NIPBL: variants seen among roughly 807,000 people sequenced by gnomAD.
The protein encoded by NIPBL is nipped-B-like protein.
NIPBL carries 19 observed loss-of-function variants against 321.8 expected under a neutral mutation model. The observed-to-expected ratio is 0.06, with a 90% CI of 0.04 to 0.09. The LOEUF is 0.09. Among genes scored for constraint, NIPBL ranks in the 10% least tolerant of loss-of-function variants. The probability of loss-of-function intolerance (pLI) is 1.00; values close to 1 mark genes in which losing one functional copy is unlikely to be tolerated. For missense variants in NIPBL, 2,210 were observed against 3,327.0 expected, an observed-to-expected ratio of 0.66 and a Z score of 8.26; for synonymous variants, 1,106 against 1,114.1, an observed-to-expected ratio of 0.99 and a Z score of 0.14.
chr5:37,058,865 G>A (rs1273167272), intron 43 of NIPBL, 26 bp from the exon 44 acceptor site: 2 of 1,611,020 alleles, frequency 1.2e-6, no homozygotes, highest in Non-Finnish European at 1.7e-6. Context: ...TGTTTTTATT[G>A]TTTATCAAAC....
chr5:36,995,179 C>T (rs1371578432), intron 10 of NIPBL: 1 of 164,158 alleles, frequency 6.1e-6, no homozygotes, highest in African/African-American at 2.4e-5. Flanking sequence ...TCTTCCAACA[C>T]TTCTCACTTG....
chr5:36,985,792 G>A lies in NIPBL; in HGVS notation c.2612G>A (p.Arg871Lys). Reference sequence around the variant, plus strand: ...ACTGATAAACTAGAACGAAAACACAGGCATGAATCAGGGGACTCAAGGGAA... The same window carrying A: ...ACTGATAAACTAGAACGAAAACACAAGCATGAATCAGGGGACTCAAGGGAA... ...SKTDKLERKH[R>K]HESGDSRERP... Residue 871 changes from arginine (R) to lysine (K), a missense_variant, in exon 10 of 47, where the codon AGG (arginine) becomes AAG (lysine). Coordinates refer to ENST00000282516, the MANE Select transcript of NIPBL (RefSeq NM_133433.4). 6.2e-7 allele frequency: 1 copy of A among 1,613,870 alleles called. No individual in the cohort carries two copies. The highest frequency in any genetic ancestry group is 1.7e-5 in the Admixed American group (1 of 59,890).
At chr5:37,036,346 TG>T in intron 32 of NIPBL, 32 bp from the exon 33 acceptor site, 3 of 457,860 alleles carry the variant, frequency 6.6e-6, no homozygotes, top group Non-Finnish European at 9.2e-6. Flanking sequence ...TATATATATA[TG>T]TATATATATA....
chr5:37,030,586 T>G (rs1750884126), intron 32 of NIPBL, among the ~76,000 whole-genome samples: 1 of 152,176 alleles, frequency 6.6e-6, no homozygotes, highest in Admixed American at 6.6e-5. Context: ...TTTCTAATTT[T>G]TATTTTTGGA....
intron 1 of NIPBL, among the ~76,000 whole-genome samples, chr5:36,927,485 A>T (rs948244739): frequency 4.6e-5 from 7 of 152,158 alleles, no homozygotes; most frequent in Non-Finnish European, 1.0e-4. Context: ...GAAAAAGACC[A>T]ATTAAGAGTC....
chr5:36,988,116 C>T (rs1188431572), intron 10 of NIPBL, among the ~76,000 whole-genome samples: 1 of 152,102 alleles, frequency 6.6e-6, no homozygotes, highest in Admixed American at 6.6e-5. Flanking sequence ...TTTAAAACTC[C>T]TTAAAGAACA....
chr5:36,980,055 A>G (rs1743958038), intron 9 of NIPBL, among the ~76,000 whole-genome samples: 1 of 151,744 alleles, frequency 6.6e-6, no homozygotes, highest in Non-Finnish European at 1.5e-5. Context: ...TGTTGAATCC[A>G]AAGTTTCTAC....
At chr5:36,922,076 C>T (rs1488050389) in intron 1 of NIPBL, among the ~76,000 whole-genome samples, 1 of 151,264 alleles carries the variant, frequency 6.6e-6, no homozygotes, top group Non-Finnish European at 1.5e-5. Context: ...TTAGTAGAGG[C>T]GGGGTTTCAC....
intron 1 of NIPBL, among the ~76,000 whole-genome samples, chr5:36,913,278 A>G (rs1417196059): frequency 1.3e-5 from 2 of 152,234 alleles, no homozygotes; most frequent in South Asian, 2.1e-4. Flanking sequence ...GGTTCAGCAC[A>G]CACAAAAAAG....
chr5:37,041,791 C>T (rs148170939), intron 34 of NIPBL, among the ~76,000 whole-genome samples: 11,008 of 151,418 alleles, frequency 0.073, 499 homozygotes, highest in East Asian at 0.1. Context: ...TCTTGAACTC[C>T]GGGCCTCAAG....
intron 21 of NIPBL, among the ~76,000 whole-genome samples, chr5:37,013,861 G>A (rs1403813994): frequency 6.6e-6 from 1 of 152,216 alleles, no homozygotes; most frequent in African/African-American, 2.4e-5. Context: ...GCAGGCTGCT[G>A]GGAGGTGGAG....
Position 36,954,804 on chromosome 5 carries a change from T to A in NIPBL, c.65-668T>A, listed in dbSNP as rs755375692. Reference sequence around the variant, plus strand: ...CCAAAAACAAAGACACCTGATATTTTAGTGAGCTTTCTTAACCTTTAGACA... The same window carrying A: ...CCAAAAACAAAGACACCTGATATTTAAGTGAGCTTTCTTAACCTTTAGACA... On this transcript the variant is annotated intron_variant, in intron 2 of 46. Transcript: ENST00000282516. Among the ~76,000 whole-genome samples, 8 of 152,312 alleles carry A rather than the reference T, an allele frequency of 5.3e-5. No individual in the cohort carries two copies. In the South Asian group the frequency reaches 1.7e-3, roughly 32 times the overall value.
chr5:37,044,880 T>C (rs944912428), intron 36 of NIPBL, 151 bp downstream of exon 36: 8 of 654,230 alleles, frequency 1.2e-5, no homozygotes, highest in Admixed American at 2.7e-5. Context: ...TTTTCTAGTG[T>C]CTTTTGTATT....
chr5:36,976,141 C>A lies in NIPBL; in HGVS notation c.1234C>A (p.Arg412Ser). Residue 412 changes from arginine to serine, a missense_variant, in exon 9 of 47, where the codon CGC (arginine) becomes AGC (serine). Around this residue, in one of 14 missense-constraint regions of NIPBL, gnomAD observed 464 missense variants for 529.5 expected, o/e 0.88. Coordinates refer to ENST00000282516, the MANE Select transcript of NIPBL (RefSeq NM_133433.4). ...KTPITPQDIN[R>S]PLNAAQCLSQ... ...ACCCATTACTCCACAAGATATAAAC[C>A]GCCCACTAAATGCTGCTCAATGTTT... The A allele has an allele frequency of 3.7e-6, 6 of 1,613,568 alleles. No homozygotes were observed. The highest frequency in any genetic ancestry group is 5.1e-6 in the Non-Finnish European group (6 of 1,179,724).
intron 1 of NIPBL, among the ~76,000 whole-genome samples, chr5:36,908,924 A>T (rs998890184): frequency 6.6e-6 from 1 of 152,240 alleles, no homozygotes; most frequent in Non-Finnish European, 1.5e-5. Flanking sequence ...TAATATTGCA[A>T]ATACTTTACA....
intron 1 of NIPBL, among the ~76,000 whole-genome samples, chr5:36,919,528 T>C (rs1748753852): frequency 6.6e-6 from 1 of 152,194 alleles, no homozygotes; most frequent in African/African-American, 2.4e-5. Flanking sequence ...CATGTGCTTC[T>C]GTGAACTTTA....
At chr5:36,888,622 G>A (rs951547205) in intron 1 of NIPBL, among the ~76,000 whole-genome samples, 7 of 152,086 alleles carry the variant, frequency 4.6e-5, no homozygotes, top group African/African-American at 1.7e-4. Context: ...TGCTAAGCAT[G>A]CACATATTTT....
chr5:36,899,484 T>G (rs1561363090), intron 1 of NIPBL, among the ~76,000 whole-genome samples: 1 of 152,240 alleles, frequency 6.6e-6, no homozygotes, highest in Non-Finnish European at 1.5e-5. Flanking sequence ...CAGACTGTTG[T>G]AATGAGTTTG....
At chr5:37,014,052 AC>A (rs1748603635) in intron 21 of NIPBL, among the ~76,000 whole-genome samples, 1 of 152,262 alleles carries the variant, frequency 6.6e-6, no homozygotes. Context: ...CCAAAAAAAT[AC>A]GAAAACCAGT....
Sources: allele counts gnomAD v4.1 joint callset (sites outside exome capture counted in the v4.1 genomes callset), GRCh38; gene constraint gnomAD v4.1.1; regional missense constraint gnomAD v4.1.1; transcripts MANE v1.5; gene names NCBI Gene and HGNC (gene_info 2026-07-23, HGNC 2026-07-21).